SIAH1: variants seen among roughly 807,000 people sequenced by gnomAD.
SIAH1 encodes E3 ubiquitin-protein ligase SIAH1.
Under a neutral mutation model 20.0 loss-of-function variants are expected in SIAH1, and 2 were observed. The observed-to-expected ratio is 0.10, with a 90% CI of 0.04 to 0.31. SIAH1 has a LOEUF of 0.31. SIAH1 is among the 10% of genes least tolerant of loss of function. SIAH1 has a pLI of 1.00. For synonymous variants in SIAH1, 118 were observed against 125.3 expected, an observed-to-expected ratio of 0.94 and a Z score of 0.39; for missense variants, 119 against 355.3, an observed-to-expected ratio of 0.33 and a Z score of 5.35.
At chr16:48,376,883 T>C (rs1420810771) in intron 1 of SIAH1, among the ~76,000 whole-genome samples, 1 of 152,200 alleles carries the variant, frequency 6.6e-6, no homozygotes, top group Admixed American at 6.5e-5. Flanking sequence ...CAAAATTTAA[T>C]GTGAAATACA....
chr16:48,380,358 G>C (rs536721245), intron 1 of SIAH1, among the ~76,000 whole-genome samples: 1 of 151,958 alleles, frequency 6.6e-6, no homozygotes, highest in Non-Finnish European at 1.5e-5. Context: ...GGCTGAGCAC[G>C]AGAACAACTG....
rs114687519 is a variant in SIAH1 at position 48,377,797 on chromosome 16, G to T, written c.-3+7407C>A. On this transcript the variant is annotated intron_variant, in intron 1 of 1. Transcript: ENST00000394725. Reference sequence around the variant, plus strand: ...ATAAGACTTAAAAAACAAAAGAAGGGCCAGGTGTGGCAGCTCACACCTGTA... The same window carrying T: ...ATAAGACTTAAAAAACAAAAGAAGGTCCAGGTGTGGCAGCTCACACCTGTA... Among the ~76,000 whole-genome samples, 1,098 of 152,206 alleles carry T rather than the reference G, an allele frequency of 7.2e-3. 16 individuals carry two copies. Among genetic ancestry groups the T allele is most frequent in the African/African-American group, 0.025 (1,057 of 41,552 alleles).
chr16:48,372,746 T>C (rs1008436060), intron 1 of SIAH1, among the ~76,000 whole-genome samples: 3 of 152,206 alleles, frequency 2.0e-5, no homozygotes, highest in African/African-American at 7.2e-5. Flanking sequence ...TAAGGTATGC[T>C]TAACTCAAAA....
intron 1 of SIAH1, among the ~76,000 whole-genome samples, chr16:48,370,706 T>C (rs1960961687): frequency 6.6e-6 from 1 of 150,950 alleles, no homozygotes; most frequent in Non-Finnish European, 1.5e-5. Flanking sequence ...TTCGGGAGAC[T>C]GAGGCAGGAG....
chr16:48,373,854 C>A (rs1205648790), intron 1 of SIAH1, among the ~76,000 whole-genome samples: 1 of 152,214 alleles, frequency 6.6e-6, no homozygotes, highest in African/African-American at 2.4e-5. Context: ...GACTTCATCT[C>A]CTACTTTGTT....
intron 1 of SIAH1, among the ~76,000 whole-genome samples, chr16:48,381,830 C>T (rs902541383): frequency 2.0e-5 from 3 of 152,086 alleles, no homozygotes; most frequent in African/African-American, 7.2e-5. Context: ...TTTGTCTAAA[C>T]CCATAAAATG....
At chr16:48,383,235 AC>A (rs775027529) in intron 1 of SIAH1, among the ~76,000 whole-genome samples, 11 of 152,188 alleles carry the variant, frequency 7.2e-5, no homozygotes, top group East Asian at 1.9e-4. Flanking sequence ...CGAAAAAAAA[AC>A]TGTTTGGCAT....
At chr16:48,372,156 T>C (rs1017425865) in intron 1 of SIAH1, among the ~76,000 whole-genome samples, 1 of 152,166 alleles carries the variant, frequency 6.6e-6, no homozygotes. Context: ...CATTAGTGAG[T>C]CTGATATATT....
chr16:48,376,359 G>A (rs943390145), intron 1 of SIAH1, among the ~76,000 whole-genome samples: 1 of 152,084 alleles, frequency 6.6e-6, no homozygotes, highest in Non-Finnish European at 1.5e-5. Flanking sequence ...TTCAAGAGCT[G>A]ATTTTCTCCT....
At chr16:48,377,516 G>A (rs551531642) in intron 1 of SIAH1, among the ~76,000 whole-genome samples, 4 of 151,742 alleles carry the variant, frequency 2.6e-5, no homozygotes, top group East Asian at 3.9e-4. Flanking sequence ...CAGCCTCCGA[G>A]TAGCTGGAAT....
In SIAH1 at chr16:48,365,843, G is replaced by A. The variant is rs1960813528; in HGVS notation, c.-2-3413C>T. On this transcript the variant is annotated intron_variant, in intron 1 of 1. Transcript: ENST00000394725. ...CACGGATGCAGGGGGCGACGCGCTG[G>A]CTGAGAAGGAAGTGCGCTCCCTGAG... 4.0e-6 allele frequency: 5 copies of A among 1,250,110 alleles called. No individual in the cohort carries two copies. In the South Asian group the frequency reaches 1.1e-4, roughly 28 times the overall value. The allele number at this position is 1,250,110 out of a possible 1,614,324, so 77.4% of individuals were successfully genotyped here.
intron 1 of SIAH1, among the ~76,000 whole-genome samples, chr16:48,367,143 G>T (rs1177328255): frequency 6.6e-6 from 1 of 152,158 alleles, no homozygotes; most frequent in Non-Finnish European, 1.5e-5. Flanking sequence ...AAAGCCATCA[G>T]CCTGCCTTGG....
At position 48,361,515 on chromosome 16, in the gene SIAH1, T is replaced by C. The variant is rs777877482; in HGVS notation, c.*65A>G. The stretch of plus-strand genomic sequence containing the variant: ...AAAGAGTTTTAGGTTGGCAGACAGA[T>C]GGGTGCCTTATTTTCTGTGAAACTG... On this transcript the variant is annotated 3_prime_UTR_variant, in exon 2 of 2. Coordinates refer to ENST00000394725, the MANE Select transcript of SIAH1 (RefSeq NM_003031.4). 1.9e-6 allele frequency: 3 copies of C among 1,544,156 alleles called. No individual in the cohort carries two copies. The highest frequency in any genetic ancestry group is 2.3e-5 in the East Asian group (1 of 44,270).
At chr16:48,377,491 G>A (rs1020715958) in intron 1 of SIAH1, among the ~76,000 whole-genome samples, 4 of 150,908 alleles carry the variant, frequency 2.7e-5, no homozygotes, top group African/African-American at 9.8e-5. Context: ...CCCGGGTTAA[G>A]TGATTCTCCT....
chr16:48,362,108 T>C lies in SIAH1; in HGVS notation c.321A>G (p.Ile107Met). ...PCKYASSGCEITLPHTEKADH... is the reference protein window; with the variant it reads ...PCKYASSGCEMTLPHTEKADH... ...CTGCTTTTTCTGTGTGTGGCAGAGT[T>C]ATTTCACATCCAGAAGACGCATATT... is the stretch of plus-strand genomic sequence containing the variant. The change falls in exon 2 of 2, where the codon ATA (isoleucine) becomes ATG (methionine). Residue 107 changes from isoleucine (I) to methionine (M), a missense_variant. This residue lies in a region of SIAH1 where 84 missense variants were observed against 307.8 expected (regional missense o/e 0.27). Coordinates refer to ENST00000394725, the MANE Select transcript of SIAH1 (RefSeq NM_003031.4). This position sits in a 1 kb window ranked among gnomAD's most constrained non-coding sequence, Gnocchi z 4.2. 3.1e-6 allele frequency: 5 copies of C among 1,614,220 alleles called. No individual in the cohort carries two copies. The highest frequency in any genetic ancestry group is 4.2e-6 in the Non-Finnish European group (5 of 1,180,042).
intron 1 of SIAH1, among the ~76,000 whole-genome samples, chr16:48,371,200 G>A (rs930536003): frequency 6.6e-6 from 1 of 151,904 alleles, no homozygotes; most frequent in South Asian, 2.1e-4. Flanking sequence ...AGGATCAGGT[G>A]AGCCCAAGAG....
At chr16:48,365,821 G>A in intron 1 of SIAH1, 3 of 1,250,688 alleles carry the variant, frequency 2.4e-6, no homozygotes, top group Admixed American at 3.9e-5. Flanking sequence ...TGGAGGCCAC[G>A]GATGCAGGGG....
Position 48,361,587 on chromosome 16 carries a change from A to G in SIAH1, c.842T>C (p.Met281Thr), listed in dbSNP as rs1960598291. Residue 281 changes from methionine (M) to threonine (T), a missense_variant, in exon 2 of 2, where the codon ATG becomes ACG. Met to Thr is a moderately conservative substitution (Grantham distance 81). Around this residue, in one of 2 missense-constraint regions of SIAH1, gnomAD observed 84 missense variants for 307.8 expected, o/e 0.27. Coordinates refer to ENST00000394725, the MANE Select transcript of SIAH1 (RefSeq NM_003031.4). The stretch of plus-strand genomic sequence containing the variant: ...AAATGTTTGATTGCCATTTCAACAC[A>G]TGGAAATAGTTACATTGATGCCTAA... ...GNLGINVTIS[M>T]C The G allele has an allele frequency of 6.2e-7, 1 of 1,612,006 alleles. No individual in the cohort carries two copies. Among genetic ancestry groups the G allele is most frequent in the Non-Finnish European group, 8.5e-7 (1 of 1,178,708 alleles).
chr16:48,365,718 A>G, intron 1 of SIAH1: 1 of 1,421,606 alleles, frequency 7.0e-7, no homozygotes, highest in Non-Finnish European at 9.2e-7. Context: ...TGGGAGCCAC[A>G]GCTGCGCTGT....
Sources: allele counts gnomAD v4.1 joint callset (sites outside exome capture counted in the v4.1 genomes callset), GRCh38; gene constraint gnomAD v4.1.1; regional missense constraint gnomAD v4.1.1; non-coding constraint Gnocchi (gnomAD v3.1); transcripts MANE v1.5; gene names NCBI Gene and HGNC (gene_info 2026-07-23, HGNC 2026-07-21).